FAM83H: variants seen among roughly 807,000 people sequenced by gnomAD.
FAM83H encodes the protein protein FAM83H.
In FAM83H, 24 loss-of-function variants were observed where a neutral mutation model predicts 30.2. The observed-to-expected ratio is 0.79, with a 90% confidence interval of 0.57 to 1.12. The LOEUF (loss-of-function observed/expected upper bound fraction) is 1.12, where lower values mean the gene tolerates loss of function less well. Ranked by LOEUF, FAM83H falls within the 50% of genes most tolerant of loss-of-function variation. The pLI, the probability that FAM83H is intolerant of heterozygous loss-of-function variation, is 0.00. For synonymous variants in FAM83H, 1,013 were observed against 821.7 expected (o/e 1.23, Z -3.98); for missense variants, 2,038 against 1,773.9 (o/e 1.15, Z -2.67).
At position 143,733,421 on chromosome 8, in the gene FAM83H, G is replaced by T. The variant is rs111323165; in HGVS notation, c.-16+270C>A. Among the ~76,000 whole-genome samples the T allele has an allele frequency of 1.3e-3, 197 of 152,272 alleles. No individual in the cohort carries two copies. Among genetic ancestry groups the T allele is most frequent in the Middle Eastern group, 3.4e-3 (1 of 292 alleles). ...GGGACGGCCGGGCAGGCTCGACCCG[G>T]ATCCCGGGCCCCTTCCCCCTCGGCT... is the stretch of plus-strand genomic sequence containing the variant. On this transcript the variant is annotated intron_variant, in intron 1 of 4. Coordinates refer to ENST00000388913, the MANE Select transcript of FAM83H (RefSeq NM_198488.5). This position sits in a 1 kb window ranked among gnomAD's most constrained non-coding sequence, Gnocchi z 5.6.
In FAM83H at chr8:143,732,808, G is replaced by C. The variant is rs142331601; in HGVS notation, c.-16+883C>G. The C allele has an allele frequency of 2.1e-4, 192 of 912,456 alleles. No homozygotes were observed. The African/African-American group carries it at 3.1e-3, about 15-fold the overall frequency. The allele number at this position is 912,456 out of a possible 1,614,324, so 56.5% of individuals were successfully genotyped here. A position where few individuals can be genotyped will look rare whatever the true frequency, so the allele number is the denominator to read the frequency against. On this transcript the variant is annotated intron_variant, in intron 1 of 4. Transcript: ENST00000388913. Reference sequence around the variant, plus strand: ...ATTTGCCTACCAAACGTCTGCCCAAGGGAGGGAGGGCGCGGAACCCACCCA... The same window carrying C: ...ATTTGCCTACCAAACGTCTGCCCAACGGAGGGAGGGCGCGGAACCCACCCA...
chr8:143,726,594 C>G lies in FAM83H; in HGVS notation c.2867G>C (p.Ser956Thr). The change falls in exon 5 of 5, where the codon AGC becomes ACC. Residue 956 changes from serine (S) to threonine (T), a missense_variant. Physicochemically the swap from Ser to Thr is moderately conservative, Grantham distance 58. Coordinates refer to ENST00000388913, the MANE Select transcript of FAM83H (RefSeq NM_198488.5). The part of the protein sequence containing the change: ...PKAGPAEEGP[S>T]GPMEVLRKGS... ...TTTGCGCAGGACTTCCATGGGGCCG[C>G]TCGGCCCCTCCTCCGCGGGCCCGGC... 6.2e-7 allele frequency: 1 copy of G among 1,601,994 alleles called. No individual in the cohort carries two copies. The highest frequency in any genetic ancestry group is 8.5e-7 in the Non-Finnish European group (1 of 1,179,348).
chr8:143,728,025 C>A lies in FAM83H; in HGVS notation c.1436G>T (p.Gly479Val). 4 of 1,604,246 alleles carry A rather than the reference C, an allele frequency of 2.5e-6. No individual in the cohort carries two copies. Among genetic ancestry groups the A allele is most frequent in the Non-Finnish European group, 3.4e-6 (4 of 1,178,676 alleles). ...PQGLFEKLRG[G>V]RAGFADPDDF... ...ATCCGGGTCCGCGAAACCCGCGCGGCCCCCGCGAAGCTTCTCGAACAGGCC... is the reference window on the plus strand; with the variant it reads ...ATCCGGGTCCGCGAAACCCGCGCGGACCCCGCGAAGCTTCTCGAACAGGCC... The change falls in exon 5 of 5, where the codon GGC becomes GTC. Residue 479 changes from glycine (G) to valine (V), a missense_variant. Physicochemically the swap from Gly to Val is moderately radical, Grantham distance 109. Coordinates refer to ENST00000388913, the MANE Select transcript of FAM83H (RefSeq NM_198488.5).
At position 143,730,193 on chromosome 8, in the gene FAM83H, G is replaced by A. The variant is rs782026791; in HGVS notation, c.390C>T (p.Pro130=). 3 of 1,609,820 alleles carry A rather than the reference G, an allele frequency of 1.9e-6. No homozygotes were observed. The highest frequency in any genetic ancestry group is 2.2e-5 in the South Asian group (2 of 90,924). ...TEVTTLVQPP[P]PDSPSIKDEA... Reference sequence around the variant, plus strand: ...CATCCTTGATACTGGGGCTGTCGGGGGGCGGTGGCTGCACCAAGGTGGTCA... The same window carrying A: ...CATCCTTGATACTGGGGCTGTCGGGAGGCGGTGGCTGCACCAAGGTGGTCA... The change falls in exon 2 of 5, where the codon CCC becomes CCT. Residue 130 remains proline, a synonymous_variant. Coordinates refer to ENST00000388913, the MANE Select transcript of FAM83H (RefSeq NM_198488.5).
chr8:143,727,295 G>T lies in FAM83H; in HGVS notation c.2166C>A (p.Gly722=). ...AAGCCGCGGAGCGCACGGCCTCTCCGCCGGGCCCCAGCGTCTCGCTGACCG... is the reference window on the plus strand; with the variant it reads ...AAGCCGCGGAGCGCACGGCCTCTCCTCCGGGCCCCAGCGTCTCGCTGACCG... ...EQTVSETLGP[G]GEAVRSAAST... The change falls in exon 5 of 5, where the codon GGC becomes GGA. Residue 722 remains glycine, a synonymous_variant. Coordinates refer to ENST00000388913, the MANE Select transcript of FAM83H (RefSeq NM_198488.5). 6.5e-7 allele frequency: 1 copy of T among 1,538,156 alleles called. No individual in the cohort carries two copies. The highest frequency in any genetic ancestry group is 1.7e-4 in the Middle Eastern group (1 of 5,876).
intron 2 of FAM83H, 89 bp downstream of exon 2, chr8:143,730,044 CCCT>C (rs2129688889): frequency 8.4e-7 from 1 of 1,194,738 alleles, no homozygotes; most frequent in Admixed American, 2.9e-5. Flanking sequence ...TCAGGCTCAC[CCCT>C]CAAGCTGATC....
chr8:143,728,962 C>T lies in FAM83H; in HGVS notation c.737+5G>A. On this transcript the variant is annotated splice_donor_5th_base_variant and intron_variant, in intron 4 of 4. Coordinates refer to ENST00000388913, the MANE Select transcript of FAM83H (RefSeq NM_198488.5). ...GAAGGGGGTGAGGGAGCCCCGCGGGCGCACCTGTAGCTCCCACTCATCACC... is the reference window on the plus strand; with the variant it reads ...GAAGGGGGTGAGGGAGCCCCGCGGGTGCACCTGTAGCTCCCACTCATCACC... 3.7e-6 allele frequency: 6 copies of T among 1,613,470 alleles called. No individual in the cohort carries two copies. The highest frequency in any genetic ancestry group is 5.1e-6 in the Non-Finnish European group (6 of 1,179,968).
chr8:143,727,445 C>G lies in FAM83H; in HGVS notation c.2016G>C (p.Leu672=). ...TGGAGCTGCGCTGGACCAGGGGGTT[C>G]AGGCGCGAGCGGAATGAGTCCTGCT... ...LAKQDSFRSR[L]NPLVQRSSRL... Residue 672 remains leucine, a synonymous_variant, in exon 5 of 5, where the codon CTG becomes CTC. Transcript: ENST00000388913. 6.4e-7 allele frequency: 1 copy of G among 1,570,730 alleles called. No homozygotes were observed. Among genetic ancestry groups the G allele is most frequent in the East Asian group, 2.3e-5 (1 of 43,520 alleles).
rs1419223596 is a variant in FAM83H, at chr8:143,731,915, G to A, written c.-15-1318C>T. The A allele has an allele frequency of 4.1e-6, 4 of 985,320 alleles. No homozygotes were observed. In the African/African-American group the frequency reaches 7.0e-5, roughly 17 times the overall value. The allele number at this position is 985,320 out of a possible 1,614,324, so 61.0% of individuals were successfully genotyped here. The stretch of plus-strand genomic sequence containing the variant: ...CACACAGGGTCACTGAGCTACCTGG[G>A]TACCTCTCCCTGGAAGGAGAGCCCT... On this transcript the variant is annotated intron_variant, in intron 1 of 4. Transcript: ENST00000388913.
rs1818317296 is a variant in FAM83H, at chr8:143,726,916, C to T, written c.2545G>A (p.Asp849Asn). The change falls in exon 5 of 5, where the codon GAC (aspartate) becomes AAC (asparagine). Residue 849 changes from aspartate to asparagine, a missense_variant. Transcript: ENST00000388913. Reference protein sequence around the residue: ...QSHSTSPQGLDSPLPLEGSGA... With the variant: ...QSHSTSPQGLNSPLPLEGSGA... ...GACCCTTCCAGCGGCAGAGGGCTGT[C>T]CAGCCCTTGCGGGGACGTTGAGTGG... 1 of 1,612,340 alleles carries T rather than the reference C, an allele frequency of 6.2e-7. No homozygotes were observed.
rs1554623137 is a variant in FAM83H at position 143,728,139 on chromosome 8, A to C, written c.1322T>G (p.Phe441Cys). The C allele has an allele frequency of 2.5e-6, 4 of 1,609,578 alleles. No individual in the cohort carries two copies. Among genetic ancestry groups the C allele is most frequent in the Non-Finnish European group, 3.4e-6 (4 of 1,179,188 alleles). Residue 441 changes from phenylalanine to cysteine, a missense_variant, in exon 5 of 5, where the codon TTC (phenylalanine) becomes TGC (cysteine). Phe to Cys is a radical substitution (Grantham distance 205). Transcript: ENST00000388913. ...GTGGAAGTGGCTGGTCTGGAAGCGG[A>C]AGTCGTCGCCGTGGCTGAGGAACGT... is the stretch of plus-strand genomic sequence containing the variant. ...RQTFLSHGDD[F>C]RFQTSHFHRD...
rs1818345707 is a variant in FAM83H at position 143,727,531 on chromosome 8, C to T, written c.1930G>A (p.Gly644Ser). The T allele has an allele frequency of 6.3e-7, 1 of 1,584,088 alleles. No individual in the cohort carries two copies. Among genetic ancestry groups the T allele is most frequent in the East Asian group, 2.3e-5 (1 of 44,158 alleles). ...AAFPTKVPVP[G>S]PGSGGNGPER... ...GGGCCGTTGCCGCCGCTGCCCGGGC[C>T]TGGCACCGGGACCTTGGTGGGGAAG... The change falls in exon 5 of 5, where the codon GGC becomes AGC. Residue 644 changes from glycine (G) to serine (S), a missense_variant. Gly to Ser is a moderately conservative substitution (Grantham distance 56). Coordinates refer to ENST00000388913, the MANE Select transcript of FAM83H (RefSeq NM_198488.5).
chr8:143,728,060 C>T lies in FAM83H; in HGVS notation c.1401G>A (p.Ala467=). 1 of 1,609,998 alleles carries T rather than the reference C, an allele frequency of 6.2e-7. No homozygotes were observed. The part of the protein sequence containing the change: ...QYQWDPQLTP[A]RPQGLFEKLR... The stretch of plus-strand genomic sequence containing the variant: ...GCTTCTCGAACAGGCCTTGCGGGCG[C>T]GCCGGCGTGAGCTGCGGGTCCCACT... Residue 467 remains alanine, a synonymous_variant, in exon 5 of 5, where the codon GCG becomes GCA. Transcript: ENST00000388913.
In FAM83H at chr8:143,727,991, G is replaced by A. The variant is rs782054260; in HGVS notation, c.1470C>T (p.Thr490=). 4.3e-5 allele frequency: 69 copies of A among 1,588,606 alleles called. 1 individual carries two copies. The highest frequency in any genetic ancestry group is 2.2e-4 in the Middle Eastern group (1 of 4,588). ...RAGFADPDDF[T]LGAGPRFPEL... ...CCGGGAAGCGGGGCCCGGCGCCCAGGGTGAAGTCATCCGGGTCCGCGAAAC... is the reference window on the plus strand; with the variant it reads ...CCGGGAAGCGGGGCCCGGCGCCCAGAGTGAAGTCATCCGGGTCCGCGAAAC... The change falls in exon 5 of 5, where the codon ACC becomes ACT. Residue 490 remains threonine, a synonymous_variant. Coordinates refer to ENST00000388913, the MANE Select transcript of FAM83H (RefSeq NM_198488.5).
At chr8:143,732,256 G>C (rs1818548352) in intron 1 of FAM83H, 1 of 985,306 alleles carries the variant, frequency 1.0e-6, no homozygotes, top group African/African-American at 1.7e-5. Flanking sequence ...GGGAGAAGCT[G>C]TCCCAACATT....
In FAM83H at chr8:143,728,865, G is replaced by C. The variant is rs377658092; in HGVS notation, c.737+102C>G. The C allele has an allele frequency of 8.7e-6, 14 of 1,601,882 alleles. No individual in the cohort carries two copies. The African/African-American group carries it at 1.2e-4, about 14-fold the overall frequency. ...CGGCTAGGCTGTGCAGGGGTCTACA[G>C]GACAAGGGCTCCTGGCGAGGAGGGC... is the stretch of plus-strand genomic sequence containing the variant. On this transcript the variant is annotated intron_variant, in intron 4 of 4. Transcript: ENST00000388913.
At chr8:143,728,785 G>C (rs1333490727) in intron 4 of FAM83H, 62 bp from the exon 5 acceptor site, 1 of 1,598,232 alleles carries the variant, frequency 6.3e-7, no homozygotes, top group African/African-American at 1.3e-5. Context: ...AGCCCCGTGG[G>C]CAGCGGGTGG....
chr8:143,726,314 G>A lies in FAM83H; in HGVS notation c.3147C>T (p.Ala1049=). 6.2e-7 allele frequency: 1 copy of A among 1,612,240 alleles called. No homozygotes were observed. Among genetic ancestry groups the A allele is most frequent in the Non-Finnish European group, 8.5e-7 (1 of 1,179,752 alleles). The stretch of plus-strand genomic sequence containing the variant: ...GGACCGCACGGTGCTTCTGGCCGTG[G>A]GCACTGATCTGCTCCAGAATGGCCT... ...DTKAILEQIS[A]HGQKHRAVPA... is the part of the protein sequence containing the mutation. Residue 1049 remains alanine (A), a synonymous_variant, in exon 5 of 5, where the codon GCC becomes GCT. Coordinates refer to ENST00000388913, the MANE Select transcript of FAM83H (RefSeq NM_198488.5).
At position 143,730,246 on chromosome 8, in the gene FAM83H, G is replaced by C. The variant is rs1554624047; in HGVS notation, c.337C>G (p.Leu113Val). ...AVPELDLGWP[L>V]TFGFQGTEVT... ...TCGGTGCCCTGGAAGCCGAAGGTCAGAGGCCAGCCCAAATCAAGCTCAGGC... is the reference window on the plus strand; with the variant it reads ...TCGGTGCCCTGGAAGCCGAAGGTCACAGGCCAGCCCAAATCAAGCTCAGGC... Residue 113 changes from leucine (L) to valine (V), a missense_variant, in exon 2 of 5, where the codon CTG becomes GTG. Transcript: ENST00000388913. 1.9e-6 allele frequency: 3 copies of C among 1,613,492 alleles called. No homozygotes were observed. In the South Asian group the frequency reaches 3.3e-5, roughly 18 times the overall value.
Sources: gnomAD v4.1 joint callset for allele counts (sites outside exome capture counted in the v4.1 genomes callset) on GRCh38, gnomAD v4.1.1 for gene constraint, Gnocchi (gnomAD v3.1) non-coding constraint, MANE v1.5 for transcripts, NCBI Gene and HGNC (gene_info 2026-07-23, HGNC 2026-07-21) for gene names.